The following CNTN5 variants were observed in gnomAD, a reference collection of about 807,000 sequenced individuals.
The protein encoded by CNTN5 is contactin-5.
A neutral mutation model predicts 129.1 loss-of-function variants in CNTN5; 77 were observed. The ratio of observed to expected loss-of-function variants is 0.60; its 90% CI spans 0.50 to 0.72. CNTN5 has a LOEUF of 0.72. CNTN5 is among the 30% of genes least tolerant of loss of function. CNTN5 has a pLI of 0.00. For synonymous variants in CNTN5, 509 were observed against 465.6 expected, an observed-to-expected ratio of 1.09 and a Z score of -1.20; for missense variants, 1,478 against 1,328.8, an observed-to-expected ratio of 1.11 and a Z score of -1.75.
intron 2 of CNTN5, among the ~76,000 whole-genome samples, chr11:99,414,948 T>C (rs1244045373): frequency 1.3e-5 from 2 of 152,190 alleles, no homozygotes; most frequent in Non-Finnish European, 2.9e-5. Context: ...CTTCCTGTTA[T>C]AAATATCTGA....
chr11:99,648,985 A>T (rs1952061520), intron 3 of CNTN5, among the ~76,000 whole-genome samples: 1 of 151,754 alleles, frequency 6.6e-6, no homozygotes, highest in Non-Finnish European at 1.5e-5. Context: ...AAGTTATAGT[A>T]TTCTATAACA....
intron 18 of CNTN5, among the ~76,000 whole-genome samples, chr11:100,289,826 G>C (rs1372177899): frequency 4.7e-5 from 7 of 150,194 alleles, no homozygotes; most frequent in Admixed American, 4.7e-4. Flanking sequence ...AATTGTCCCT[G>C]TTTGCAGATG....
At chr11:99,288,315 G>A (rs1350340291) in intron 1 of CNTN5, among the ~76,000 whole-genome samples, 4 of 151,840 alleles carry the variant, frequency 2.6e-5, no homozygotes, top group African/African-American at 4.8e-5. Flanking sequence ...AGTCAACTCT[G>A]TGAGCATGTC....
intron 3 of CNTN5, among the ~76,000 whole-genome samples, chr11:99,606,429 T>A (rs1345897884): frequency 1.4e-5 from 2 of 143,608 alleles, no homozygotes; most frequent in South Asian, 4.7e-4. Flanking sequence ...TACAAACCAC[T>A]GCTCAAGGAA....
intron 6 of CNTN5, among the ~76,000 whole-genome samples, chr11:99,886,379 C>A (rs961456633): frequency 1.3e-5 from 2 of 151,970 alleles, no homozygotes; most frequent in Non-Finnish European, 2.9e-5. Flanking sequence ...ATGAAATAGT[C>A]AATGCATATT....
At chr11:99,975,027 A>T (rs1056413552) in intron 8 of CNTN5, among the ~76,000 whole-genome samples, 6 of 152,262 alleles carry the variant, frequency 3.9e-5, no homozygotes, top group Non-Finnish European at 8.8e-5. Flanking sequence ...GCAACTTGCA[A>T]ATGATTCATA....
intron 1 of CNTN5, among the ~76,000 whole-genome samples, chr11:99,297,086 GC>G (rs1158302605): frequency 6.6e-6 from 1 of 152,138 alleles, no homozygotes; most frequent in Non-Finnish European, 1.5e-5. Context: ...ACTTGCAAAC[GC>G]TTTTAACTAC....
At chr11:99,056,012 G>A (rs1864610866) in intron 1 of CNTN5, among the ~76,000 whole-genome samples, 1 of 151,878 alleles carries the variant, frequency 6.6e-6, no homozygotes, top group African/African-American at 2.4e-5. Context: ...GGGCCTCGTG[G>A]CTTTAAACAC....
intron 20 of CNTN5, among the ~76,000 whole-genome samples, chr11:100,299,970 G>T (rs536423610): frequency 1.3e-5 from 2 of 151,582 alleles, no homozygotes; most frequent in South Asian, 4.1e-4. Context: ...GTTAAAGAAC[G>T]TGCTAAAGGT....
intron 4 of CNTN5, among the ~76,000 whole-genome samples, chr11:99,833,413 C>G (rs1947207443): frequency 6.6e-6 from 1 of 152,082 alleles, no homozygotes; most frequent in Non-Finnish European, 1.5e-5. Flanking sequence ...TCTGAGAACC[C>G]ATACAACCAA....
intron 3 of CNTN5, among the ~76,000 whole-genome samples, chr11:99,729,631 C>T (rs967804012): frequency 5.9e-5 from 9 of 151,982 alleles, no homozygotes; most frequent in Non-Finnish European, 8.8e-5. Flanking sequence ...TTCACAGTGG[C>T]GGAGACAAGG....
intron 18 of CNTN5, among the ~76,000 whole-genome samples, chr11:100,274,061 A>G (rs1369066710): frequency 1.3e-5 from 2 of 152,210 alleles, no homozygotes; most frequent in Non-Finnish European, 2.9e-5. Context: ...GTGCAGAAAT[A>G]TGAACTAACT....
intron 3 of CNTN5, among the ~76,000 whole-genome samples, chr11:99,813,265 C>A (rs920534074): frequency 3.3e-5 from 5 of 152,086 alleles, no homozygotes; most frequent in African/African-American, 9.7e-5. Context: ...GAGCATCACT[C>A]AATATTTCTA....
intron 1 of CNTN5, among the ~76,000 whole-genome samples, chr11:99,224,301 T>A (rs1004137111): frequency 6.6e-6 from 1 of 152,206 alleles, no homozygotes; most frequent in East Asian, 1.9e-4. Flanking sequence ...GTGCATGCAA[T>A]GTAAGCAATT....
intron 1 of CNTN5, among the ~76,000 whole-genome samples, chr11:99,265,294 T>C (rs985188999): frequency 3.9e-5 from 6 of 152,064 alleles, no homozygotes; most frequent in Non-Finnish European, 8.8e-5. Flanking sequence ...ATACTTTTAC[T>C]GAATCATTTA....
intron 1 of CNTN5, among the ~76,000 whole-genome samples, chr11:99,077,136 C>G (rs538978324): frequency 6.9e-6 from 1 of 145,232 alleles, no homozygotes; most frequent in Admixed American, 6.9e-5. Context: ...GTGGCACACA[C>G]ATAGGCTTCA....
intron 10 of CNTN5, among the ~76,000 whole-genome samples, chr11:100,063,629 A>G (rs1292149900): frequency 6.7e-6 from 1 of 150,342 alleles, no homozygotes; most frequent in African/African-American, 2.4e-5. Context: ...TTCTAAAAGT[A>G]TCTTGGTAAC....
At chr11:99,626,118 C>G (rs1690816) in intron 3 of CNTN5, among the ~76,000 whole-genome samples, 1 of 151,660 alleles carries the variant, frequency 6.6e-6, no homozygotes, top group Non-Finnish European at 1.5e-5. Flanking sequence ...TGGAGAGAAG[C>G]GCTGTAGAAA....
chr11:99,551,065 A>G (rs1264670304), intron 2 of CNTN5, among the ~76,000 whole-genome samples: 6 of 152,166 alleles, frequency 3.9e-5, no homozygotes, highest in Admixed American at 2.6e-4. Context: ...TCCTGCCATC[A>G]GATCACTTCA....
Sources: allele counts gnomAD v4.1 joint callset (sites outside exome capture counted in the v4.1 genomes callset), GRCh38; gene constraint gnomAD v4.1.1; transcripts MANE v1.5; gene names NCBI Gene and HGNC (gene_info 2026-07-23, HGNC 2026-07-21).